CNGA1: variants seen among roughly 807,000 people sequenced by gnomAD.
The protein encoded by CNGA1 is cyclic nucleotide gated channel subunit alpha 1.
CNGA1 carries 53 observed loss-of-function variants against 69.7 expected under a neutral mutation model. That is an observed-to-expected ratio of 0.76 (90% CI 0.61 to 0.96). The LOEUF is 0.96. Among genes scored for constraint, CNGA1 ranks in the 40% least tolerant of loss-of-function variants. CNGA1 has a pLI of 0.00. For missense variants in CNGA1, 739 were observed against 811.2 expected, an observed-to-expected ratio of 0.91 and a Z score of 1.08; for synonymous variants, 249 against 283.5, an observed-to-expected ratio of 0.88 and a Z score of 1.22.
At chr4:47,999,133 A>G (rs1000320885) in intron 2 of CNGA1, among the ~76,000 whole-genome samples, 1 of 152,244 alleles carries the variant, frequency 6.6e-6, no homozygotes, top group African/African-American at 2.4e-5. Context: ...GAGAGAGACC[A>G]CATTCACATA....
intron 2 of CNGA1, among the ~76,000 whole-genome samples, chr4:47,996,553 C>T (rs1207950679): frequency 6.6e-6 from 1 of 152,048 alleles, no homozygotes; most frequent in African/African-American, 2.4e-5. Context: ...AGGCCTGGCA[C>T]AAATTGAGTC....
At chr4:47,941,005 A>C in intron 9 of CNGA1, 136 bp from the exon 10 acceptor site, 1 of 624,694 alleles carries the variant, frequency 1.6e-6, no homozygotes, top group South Asian at 2.0e-5. Flanking sequence ...AGAGTCCTTT[A>C]ATTAACCATG....
chr4:47,945,470 C>CTGTT (rs1739343971), intron 6 of CNGA1, among the ~76,000 whole-genome samples: 1 of 152,184 alleles, frequency 6.6e-6, no homozygotes, highest in Admixed American at 6.5e-5. Flanking sequence ...ACATTGAAGA[C>CTGTT]TGTTTGGCAC....
At chr4:47,994,929 A>G (rs2110239857) in intron 2 of CNGA1, among the ~76,000 whole-genome samples, 1 of 152,206 alleles carries the variant, frequency 6.6e-6, no homozygotes, top group East Asian at 1.9e-4. Context: ...TCTTTCCTTC[A>G]TATATGAAGC....
intron 3 of CNGA1, among the ~76,000 whole-genome samples, chr4:47,973,064 A>T (rs1301409774): frequency 9.2e-6 from 1 of 108,368 alleles, no homozygotes; most frequent in African/African-American, 4.4e-5. Context: ...TTAAAGCACC[A>T]TCTTTTTTTT....
intron 1 of CNGA1, among the ~76,000 whole-genome samples, chr4:48,013,880 C>T (rs1477209781): frequency 6.6e-6 from 1 of 152,154 alleles, no homozygotes; most frequent in Non-Finnish European, 1.5e-5. Flanking sequence ...ATTCCTTGCC[C>T]CAGAAACCAC....
chr4:47,978,468 T>C (rs1240016592), intron 3 of CNGA1, among the ~76,000 whole-genome samples: 1 of 152,162 alleles, frequency 6.6e-6, no homozygotes, highest in South Asian at 2.1e-4. Context: ...AAATAAAATC[T>C]GTTGTATTAT....
In CNGA1 at chr4:47,936,305, C is replaced by T; in HGVS notation, c.*116G>A. ...TGTACCTTGCACCAAAGCACATTTT[C>T]CTCATGGAAAAATTTCCCAACTGAG... On this transcript the variant is annotated 3_prime_UTR_variant, in exon 11 of 11. Transcript: ENST00000514170. 8.9e-7 allele frequency: 1 copy of T among 1,117,464 alleles called. No homozygotes were observed. The highest frequency in any genetic ancestry group is 1.3e-5 in the South Asian group (1 of 76,988). The allele number at this position is 1,117,464 out of a possible 1,614,324, so 69.2% of individuals were successfully genotyped here. A position where few individuals can be genotyped will look rare whatever the true frequency, so the allele number is the denominator to read the frequency against.
chr4:47,954,676 C>A (rs1163657730), intron 3 of CNGA1, among the ~76,000 whole-genome samples: 1 of 152,216 alleles, frequency 6.6e-6, no homozygotes, highest in East Asian at 1.9e-4. Flanking sequence ...TGGCCTTGAT[C>A]ACCTAGGCGT....
Position 47,936,766 on chromosome 4 carries a change from G to A in CNGA1, c.1716C>T (p.Leu572=). 1 of 1,614,134 alleles carries A rather than the reference G, an allele frequency of 6.2e-7. No homozygotes were observed. Among genetic ancestry groups the A allele is most frequent in the Middle Eastern group, 1.6e-4 (1 of 6,062 alleles). The part of the protein sequence containing the change: ...KSIGYSDLFC[L]SKDDLMEALT... ...GAGCTTCCATGAGGTCATCTTTTGAGAGACAGAACAGGTCTGAGTAGCCAA... is the reference window on the plus strand; with the variant it reads ...GAGCTTCCATGAGGTCATCTTTTGAAAGACAGAACAGGTCTGAGTAGCCAA... The change falls in exon 11 of 11, where the codon CTC becomes CTT. Residue 572 remains leucine (L), a synonymous_variant. Transcript: ENST00000514170.
chr4:47,961,345 A>C (rs1316524589), intron 3 of CNGA1, among the ~76,000 whole-genome samples: 1 of 152,164 alleles, frequency 6.6e-6, no homozygotes, highest in Non-Finnish European at 1.5e-5. Context: ...CCCATTGAGT[A>C]AGGTTGGGGT....
chr4:47,958,994 C>T (rs1740266561), intron 3 of CNGA1: 3 of 151,980 alleles, frequency 2.0e-5, no homozygotes, highest in Admixed American at 2.0e-4. Context: ...AAATCACTTG[C>T]CATAACAGAA....
chr4:47,951,267 T>C (rs1384319239), intron 5 of CNGA1, 86 bp downstream of exon 5: 2 of 825,976 alleles, frequency 2.4e-6, no homozygotes, highest in Non-Finnish European at 4.2e-6. Flanking sequence ...GTCATCACCA[T>C]GATCTGATTG....
intron 3 of CNGA1, among the ~76,000 whole-genome samples, chr4:47,971,625 C>T (rs1007563891): frequency 1.3e-5 from 2 of 152,096 alleles, no homozygotes; most frequent in Non-Finnish European, 2.9e-5. Context: ...GGCACGGTGG[C>T]TCACGCTTGC....
intron 3 of CNGA1, among the ~76,000 whole-genome samples, chr4:47,974,469 C>A (rs1409570040): frequency 6.6e-6 from 1 of 151,254 alleles, no homozygotes; most frequent in African/African-American, 2.4e-5. Context: ...TCAAAGGATA[C>A]AATGTTTCAG....
intron 6 of CNGA1, among the ~76,000 whole-genome samples, chr4:47,945,588 A>G (rs777887837): frequency 6.6e-6 from 1 of 152,226 alleles, no homozygotes; most frequent in Non-Finnish European, 1.5e-5. Context: ...TGGATGAGAT[A>G]TGACTTATGG....
At chr4:47,996,931 A>T (rs1186060063) in intron 2 of CNGA1, among the ~76,000 whole-genome samples, 1 of 151,976 alleles carries the variant, frequency 6.6e-6, no homozygotes, top group East Asian at 1.9e-4. Flanking sequence ...CTTGGCACAC[A>T]TCTGTAGTCC....
In CNGA1 at chr4:47,982,547, AG is replaced by A. The variant is rs1248489669; in HGVS notation, c.-122-1048del. On this transcript the variant is annotated intron_variant, in intron 2 of 10. Transcript: ENST00000514170. ...AAAAGATATTACAGAAAGAAAGAAA[AG>A]AAAATGGAAACATAGTCTTACTATT... Among the ~76,000 whole-genome samples the A allele has an allele frequency of 1.1e-4, 17 of 152,332 alleles. No homozygotes were observed. The East Asian group carries it at 1.5e-3, about 14-fold the overall frequency.
intron 3 of CNGA1, chr4:47,971,186 G>A: frequency 2.5e-6 from 1 of 404,360 alleles, no homozygotes; most frequent in Admixed American, 2.8e-5. Flanking sequence ...GTGTGTGTGT[G>A]TGTGTGTGTG....
Sources: allele counts gnomAD v4.1 joint callset (sites outside exome capture counted in the v4.1 genomes callset), GRCh38; gene constraint gnomAD v4.1.1; transcripts MANE v1.5; gene names NCBI Gene and HGNC (gene_info 2026-07-23, HGNC 2026-07-21).